RPS6KC1: variants seen among roughly 807,000 people sequenced by gnomAD.
The protein encoded by RPS6KC1 is inactive ribosomal protein S6 kinase delta-1.
A neutral mutation model predicts 103.8 loss-of-function variants in RPS6KC1; 54 were observed. The observed-to-expected ratio is 0.52, with a 90% CI of 0.42 to 0.65. RPS6KC1 has a LOEUF of 0.65. Ranked by LOEUF, RPS6KC1 falls within the 30% of genes least tolerant of loss-of-function variation. The probability of loss-of-function intolerance (pLI) is 0.00; values close to 1 mark genes in which losing one functional copy is unlikely to be tolerated. For synonymous variants in RPS6KC1, 439 were observed against 438.7 expected (o/e 1.00, Z -0.01); for missense variants, 1,151 against 1,253.8 (o/e 0.92, Z 1.24).
intron 6 of RPS6KC1, among the ~76,000 whole-genome samples, chr1:213,149,416 G>A (rs1179905421): frequency 6.6e-6 from 1 of 152,098 alleles, no homozygotes; most frequent in Non-Finnish European, 1.5e-5. Flanking sequence ...GGTCATTCAG[G>A]AACATATTGT....
intron 6 of RPS6KC1, among the ~76,000 whole-genome samples, chr1:213,132,474 G>A (rs2085754422): frequency 6.6e-6 from 1 of 152,178 alleles, no homozygotes; most frequent in Non-Finnish European, 1.5e-5. Flanking sequence ...TGTGTCAAAT[G>A]TAAGATCAGG....
At chr1:213,305,699 T>C in the RPS6KC1 span, among the ~76,000 whole-genome samples, 2 of 152,172 alleles carry the variant, frequency 1.3e-5, no homozygotes, top group Non-Finnish European at 1.5e-5. Flanking sequence ...TTCTAGTGTC[T>C]AAGGTAAGGA....
the RPS6KC1 span, among the ~76,000 whole-genome samples, chr1:213,357,609 C>G: frequency 3.9e-5 from 6 of 152,222 alleles, no homozygotes; most frequent in African/African-American, 1.2e-4. Flanking sequence ...GTGCAGGCCA[C>G]TGGCTCTTTG....
the RPS6KC1 span, among the ~76,000 whole-genome samples, chr1:213,834,712 A>G: frequency 9.1e-6 from 1 of 109,986 alleles, no homozygotes; most frequent in African/African-American, 4.0e-5. Flanking sequence ...ACACACGTAC[A>G]CACACACACA....
the RPS6KC1 span, among the ~76,000 whole-genome samples, chr1:213,693,435 G>A: frequency 6.6e-6 from 1 of 152,204 alleles, no homozygotes; most frequent in Admixed American, 6.5e-5. Context: ...CTCCTTCAAG[G>A]TGGGAAATTT....
In RPS6KC1 at chr1:213,104,158, G is replaced by A. The variant is rs570563808; in HGVS notation, c.263-296G>A. On this transcript the variant is annotated intron_variant, in intron 3 of 14. Coordinates refer to ENST00000366960, the MANE Select transcript of RPS6KC1 (RefSeq NM_012424.6). ...AAATTCTCTTTTCATCTTTAGTTTC[G>A]AATCACCAGCTTCTTAAATGTCAAC... Among the ~76,000 whole-genome samples the A allele has an allele frequency of 4.6e-5, 7 of 152,134 alleles. No homozygotes were observed. In the South Asian group the frequency reaches 6.2e-4, roughly 14 times the overall value.
chr1:213,658,922 A>G, the RPS6KC1 span, among the ~76,000 whole-genome samples: 2 of 152,164 alleles, frequency 1.3e-5, no homozygotes, highest in Non-Finnish European at 2.9e-5. Flanking sequence ...ATGTGTTAGT[A>G]AGACTAGATC....
the RPS6KC1 span, among the ~76,000 whole-genome samples, chr1:213,658,423 G>A: frequency 2.6e-5 from 4 of 152,296 alleles, no homozygotes; most frequent in East Asian, 1.9e-4. Context: ...GAGCACTGAG[G>A]GGGCAGAAGG....
intron 1 of RPS6KC1, among the ~76,000 whole-genome samples, chr1:213,054,601 G>A (rs2077190074): frequency 6.6e-6 from 1 of 152,132 alleles, no homozygotes; most frequent in Non-Finnish European, 1.5e-5. Context: ...TTTGATCCTT[G>A]CAGGGTTATT....
At chr1:213,489,273 G>A in the RPS6KC1 span, among the ~76,000 whole-genome samples, 1 of 152,202 alleles carries the variant, frequency 6.6e-6, no homozygotes, top group Non-Finnish European at 1.5e-5. Flanking sequence ...GGTGTGAAGA[G>A]TTGGTACCCT....
rs376197351 is a variant in RPS6KC1 at position 213,065,210 on chromosome 1, C to T, written c.106-5796C>T. Among the ~76,000 whole-genome samples the T allele has an allele frequency of 1.2e-4, 16 of 136,018 alleles. No individual in the cohort carries two copies. The East Asian group carries it at 2.0e-3, about 17-fold the overall frequency. The allele number at this position is 136,018 out of a possible 152,430, so 89.2% of individuals were successfully genotyped here. A position where few individuals can be genotyped will look rare whatever the true frequency, so the allele number is the denominator to read the frequency against. ...CAGGCTGGTCTCGAACTCCTGACCT[C>T]GTGATCCACCCTCCTCGGCCTCCCA... On this transcript the variant is annotated intron_variant, in intron 1 of 14. Coordinates refer to ENST00000366960, the MANE Select transcript of RPS6KC1 (RefSeq NM_012424.6).
At chr1:213,283,600 C>T in the RPS6KC1 span, among the ~76,000 whole-genome samples, 1 of 152,096 alleles carries the variant, frequency 6.6e-6, no homozygotes, top group African/African-American at 2.4e-5. Flanking sequence ...GTGTTTTGCC[C>T]ACTCTAACAC....
At chr1:213,825,640 A>G in the RPS6KC1 span, among the ~76,000 whole-genome samples, 1 of 151,876 alleles carries the variant, frequency 6.6e-6, no homozygotes, top group South Asian at 2.1e-4. Context: ...TTAACAACCT[A>G]GGAAGTTGGT....
chr1:213,438,818 G>A, the RPS6KC1 span, among the ~76,000 whole-genome samples: 5 of 145,418 alleles, frequency 3.4e-5, no homozygotes, highest in East Asian at 1.0e-3. Flanking sequence ...TTTTGAGATG[G>A]AGTCTCGCTC....
chr1:213,851,736 C>T, the RPS6KC1 span, among the ~76,000 whole-genome samples: 1 of 152,130 alleles, frequency 6.6e-6, no homozygotes. Flanking sequence ...AGTCGTCCCT[C>T]CCCCACCAAA....
the RPS6KC1 span, among the ~76,000 whole-genome samples, chr1:213,606,347 G>T: frequency 6.6e-6 from 1 of 152,178 alleles, no homozygotes; most frequent in Non-Finnish European, 1.5e-5. Flanking sequence ...GGCCCTGCTG[G>T]CCCCAAAGCT....
chr1:213,584,030 G>A, the RPS6KC1 span, among the ~76,000 whole-genome samples: 1 of 151,882 alleles, frequency 6.6e-6, no homozygotes, highest in Non-Finnish European at 1.5e-5. Context: ...GGACTTGGTG[G>A]GAGATAATTG....
chr1:213,745,711 A>G, the RPS6KC1 span, among the ~76,000 whole-genome samples: 1 of 152,306 alleles, frequency 6.6e-6, no homozygotes, highest in East Asian at 1.9e-4. Flanking sequence ...AAGGATCCCA[A>G]CACGCTCTTG....
chr1:213,114,645 G>C (rs1303403152), intron 4 of RPS6KC1, among the ~76,000 whole-genome samples: 1 of 151,270 alleles, frequency 6.6e-6, no homozygotes, highest in Non-Finnish European at 1.5e-5. Flanking sequence ...AGTTTTCAAA[G>C]GGAATGCTTC....
Sources: allele counts gnomAD v4.1 joint callset (sites outside exome capture counted in the v4.1 genomes callset), GRCh38; gene constraint gnomAD v4.1.1; transcripts MANE v1.5; gene names NCBI Gene and HGNC (gene_info 2026-07-23, HGNC 2026-07-21).